IL1RAPL2: variants seen among roughly 807,000 people sequenced by gnomAD.
The protein encoded by IL1RAPL2 is X-linked interleukin-1 receptor accessory protein-like 2.
IL1RAPL2 carries 3 observed loss-of-function variants against 44.1 expected under a neutral mutation model. The ratio of observed to expected loss-of-function variants is 0.07; its 90% CI spans 0.03 to 0.18. The LOEUF (loss-of-function observed/expected upper bound fraction) is 0.18. Among genes scored for constraint, IL1RAPL2 ranks in the 10% least tolerant of loss-of-function variants. IL1RAPL2 has a pLI of 1.00. For synonymous variants in IL1RAPL2, 181 were observed against 178.8 expected (o/e 1.01, Z -0.10); for missense variants, 391 against 496.4 (o/e 0.79, Z 2.02).
At chrX:104,948,121 G>A (rs1332601307) in intron 2 of IL1RAPL2, among the ~76,000 whole-genome samples, 1 of 107,146 alleles carries the variant, frequency 9.3e-6, no homozygotes, top group Non-Finnish European at 1.9e-5. Context: ...TCTCCTTGAA[G>A]AGGTCCTTCA....
chrX:105,299,845 C>A (rs2034683337), intron 5 of IL1RAPL2, among the ~76,000 whole-genome samples: 1 of 111,569 alleles, frequency 9.0e-6, no homozygotes, highest in Admixed American at 9.5e-5. Context: ...TCTTGTCAAC[C>A]CTGTAGGAAT....
chrX:104,835,793 T>C (rs190565885), intron 2 of IL1RAPL2, among the ~76,000 whole-genome samples: 1 of 112,219 alleles, frequency 8.9e-6, no homozygotes, highest in East Asian at 2.8e-4. Context: ...AAAAAGTTCT[T>C]CTGTGGGTAA....
At chrX:104,744,803 T>C (rs1932147800) in intron 2 of IL1RAPL2, among the ~76,000 whole-genome samples, 1 of 110,939 alleles carries the variant, frequency 9.0e-6, no homozygotes, top group South Asian at 3.8e-4. Context: ...TCCTTGAAAG[T>C]AGGCAAGTTA....
chrX:104,951,608 A>C (rs756510974), intron 2 of IL1RAPL2, among the ~76,000 whole-genome samples: 1 of 112,852 alleles, frequency 8.9e-6, no homozygotes, highest in Non-Finnish European at 1.9e-5. Context: ...TCAATTCAAC[A>C]AACATTTACT....
At chrX:104,812,353 GA>G (rs1231891689) in intron 2 of IL1RAPL2, among the ~76,000 whole-genome samples, 2 of 110,686 alleles carry the variant, frequency 1.8e-5, no homozygotes, top group Non-Finnish European at 3.8e-5. Flanking sequence ...CTTGGGTTTG[GA>G]AAAAAATGCA....
chrX:105,730,296 T>C lies in IL1RAPL2; in HGVS notation c.903-10250T>C, dbSNP rs368914827. On this transcript the variant is annotated intron_variant, in intron 7 of 10. Transcript: ENST00000372582. Reference sequence around the variant, plus strand: ...AGGTCATTATATAATGATAAAGTGATCAATTTGGTAAGGGATATAGCAATG... The same window carrying C: ...AGGTCATTATATAATGATAAAGTGACCAATTTGGTAAGGGATATAGCAATG... 9.0e-5 allele frequency among the ~76,000 whole-genome samples: 10 copies of C among 110,885 alleles called. No individual in the cohort carries two copies. The East Asian group carries it at 2.0e-3, about 22-fold the overall frequency.
At chrX:104,622,105 C>A (rs921631656) in intron 1 of IL1RAPL2, among the ~76,000 whole-genome samples, 24 of 109,614 alleles carry the variant, frequency 2.2e-4, no homozygotes, top group African/African-American at 8.0e-4. Flanking sequence ...CTTGTTTGCA[C>A]CTCAGTTCCT....
chrX:104,802,904 C>T (rs1471899241), intron 2 of IL1RAPL2, among the ~76,000 whole-genome samples: 3 of 111,010 alleles, frequency 2.7e-5, no homozygotes, highest in Non-Finnish European at 5.6e-5. Context: ...AACATGGTTA[C>T]CCAGTGAAAG....
chrX:105,010,597 G>T (rs1453204419), intron 2 of IL1RAPL2, among the ~76,000 whole-genome samples: 2 of 111,553 alleles, frequency 1.8e-5, no homozygotes, highest in African/African-American at 6.5e-5. Flanking sequence ...ATGCATTTGT[G>T]CAGCTTCATC....
At chrX:104,568,886 C>T (rs769720849) in intron 1 of IL1RAPL2, among the ~76,000 whole-genome samples, 2 of 111,817 alleles carry the variant, frequency 1.8e-5, no homozygotes, top group South Asian at 3.8e-4. Flanking sequence ...CTGCTGGACC[C>T]GATGCGGAGA....
chrX:104,905,855 C>T (rs1276830710), intron 2 of IL1RAPL2, among the ~76,000 whole-genome samples: 1 of 110,645 alleles, frequency 9.0e-6, no homozygotes, highest in Non-Finnish European at 1.9e-5. Flanking sequence ...TCATTGGTAG[C>T]TTGATGGGGA....
chrX:105,333,428 GA>G (rs1470460044), intron 5 of IL1RAPL2, among the ~76,000 whole-genome samples: 1 of 111,422 alleles, frequency 9.0e-6, no homozygotes, highest in Non-Finnish European at 1.9e-5. Context: ...AAAACGTTGG[GA>G]AAACTCTCCA....
At chrX:104,884,547 A>G (rs868054132) in intron 2 of IL1RAPL2, among the ~76,000 whole-genome samples, 15 of 106,255 alleles carry the variant, frequency 1.4e-4, no homozygotes, top group Non-Finnish European at 2.2e-4. Flanking sequence ...ATTGGGACCA[A>G]TTTGACCCGC....
intron 6 of IL1RAPL2, among the ~76,000 whole-genome samples, chrX:105,594,055 G>A (rs770026468): frequency 2.5e-4 from 28 of 111,827 alleles, no homozygotes; most frequent in African/African-American, 6.5e-4. Context: ...AATATAATCT[G>A]TGCCTGAGAA....
intron 8 of IL1RAPL2, among the ~76,000 whole-genome samples, chrX:105,741,327 C>T (rs2038498671): frequency 8.9e-6 from 1 of 111,797 alleles, no homozygotes; most frequent in Non-Finnish European, 1.9e-5. Context: ...GATATACGAA[C>T]AACAAACAAT....
intron 2 of IL1RAPL2, among the ~76,000 whole-genome samples, chrX:104,841,157 T>G (rs981535984): frequency 8.9e-6 from 1 of 112,011 alleles, no homozygotes; most frequent in Non-Finnish European, 1.9e-5. Context: ...TTCTTTGTCT[T>G]TTTTGATCTT....
chrX:105,051,376 G>T (rs888921786), intron 2 of IL1RAPL2, among the ~76,000 whole-genome samples: 9 of 112,948 alleles, frequency 8.0e-5, no homozygotes, highest in Non-Finnish European at 1.1e-4. Context: ...CACCCAGGGA[G>T]CTTCTGCTCA....
intron 3 of IL1RAPL2, among the ~76,000 whole-genome samples, chrX:105,199,803 T>C (rs1478455535): frequency 4.4e-5 from 5 of 112,455 alleles, no homozygotes; most frequent in African/African-American, 1.6e-4. Flanking sequence ...CTGATAGAGA[T>C]AGGTGGAACT....
At chrX:105,741,094 A>G (rs2038496158) in intron 8 of IL1RAPL2, among the ~76,000 whole-genome samples, 1 of 111,988 alleles carries the variant, frequency 8.9e-6, no homozygotes, top group Admixed American at 9.5e-5. Context: ...TGACTAAAAA[A>G]TAAAAAAATA....
Sources: gnomAD v4.1 joint callset for allele counts (sites outside exome capture counted in the v4.1 genomes callset) on GRCh38, gnomAD v4.1.1 for gene constraint, MANE v1.5 for transcripts, NCBI Gene and HGNC (gene_info 2026-07-23, HGNC 2026-07-21) for gene names.